Variants in MPHOSPH9 observed in about 807,000 individuals in gnomAD.
The protein encoded by MPHOSPH9 is M-phase phosphoprotein 9.
In MPHOSPH9, 88 loss-of-function variants were observed where a neutral mutation model predicts 145.5. The observed-to-expected ratio is 0.60, with a 90% confidence interval of 0.51 to 0.72. MPHOSPH9 has a LOEUF of 0.72. Ranked by LOEUF, MPHOSPH9 falls within the 30% of genes least tolerant of loss-of-function variation. MPHOSPH9 has a pLI of 0.00. For synonymous variants in MPHOSPH9, 435 were observed against 486.2 expected, an observed-to-expected ratio of 0.89 and a Z score of 1.39; for missense variants, 1,238 against 1,386.6, an observed-to-expected ratio of 0.89 and a Z score of 1.70.
At position 123,166,802 on chromosome 12, in the gene MPHOSPH9, A is replaced by C. The variant is rs1345707297; in HGVS notation, c.2457-13T>G. The C allele has an allele frequency of 6.2e-7, 1 of 1,609,400 alleles. No homozygotes were observed. The highest frequency in any genetic ancestry group is 1.3e-5 in the African/African-American group (1 of 74,576). On this transcript the variant is annotated splice_polypyrimidine_tract_variant and intron_variant, in intron 16 of 23. Transcript: ENST00000606320. ...AGTTGCTAGTGTGCTATTAGAATGA[A>C]AACGGTCAGGCATTATAAAGGTCTG...
intron 23 of MPHOSPH9, among the ~76,000 whole-genome samples, chr12:123,157,945 G>GC (rs2043940837): frequency 6.6e-6 from 1 of 151,700 alleles, no homozygotes; most frequent in Non-Finnish European, 1.5e-5. Flanking sequence ...CCTCTTTCCT[G>GC]TTTTTTCTGC....
chr12:123,176,846 C>T, intron 15 of MPHOSPH9, 57 bp from the exon 16 acceptor site: 1 of 1,325,284 alleles, frequency 7.5e-7, no homozygotes, highest in Non-Finnish European at 1.1e-6. Context: ...TAAAATATAG[C>T]TCAACCACAG....
chr12:123,220,145 G>A (rs766136539), intron 5 of MPHOSPH9, among the ~76,000 whole-genome samples: 14 of 152,056 alleles, frequency 9.2e-5, no homozygotes, highest in Non-Finnish European at 1.9e-4. Context: ...AGTGAGCTGC[G>A]ATCGCACCAC....
chr12:123,167,387 G>C (rs2044362859), intron 16 of MPHOSPH9, among the ~76,000 whole-genome samples: 1 of 152,212 alleles, frequency 6.6e-6, no homozygotes, highest in Non-Finnish European at 1.5e-5. Flanking sequence ...CACAGATGCT[G>C]ATTATGGGAA....
At chr12:123,234,981 T>G (rs7139321), upstream of MPHOSPH9, among the ~76,000 whole-genome samples, 79,402 of 151,994 alleles carry the variant, frequency 0.52, 24,946 homozygotes, top group East Asian at 0.7. Flanking sequence ...CCAAGTAAAA[T>G]AATTTACAAG....
At chr12:123,176,326 G>A (rs1300584387) in intron 16 of MPHOSPH9, among the ~76,000 whole-genome samples, 2 of 152,028 alleles carry the variant, frequency 1.3e-5, no homozygotes, top group East Asian at 3.9e-4. Flanking sequence ...ATTAACATAG[G>A]AATAAAATGT....
chr12:123,224,613 T>C (rs1221670918), intron 3 of MPHOSPH9, among the ~76,000 whole-genome samples: 1 of 152,100 alleles, frequency 6.6e-6, no homozygotes, highest in East Asian at 1.9e-4. Context: ...ATGTTGGAAA[T>C]CTGTGAGGTC....
chr12:123,208,533 CAA>C (rs373218740), intron 8 of MPHOSPH9, among the ~76,000 whole-genome samples: 5 of 111,162 alleles, frequency 4.5e-5, no homozygotes, highest in Admixed American at 1.9e-4. Flanking sequence ...GAAACTGTCT[CAA>C]AAAAAAAAAA....
rs1386619781 is a variant in MPHOSPH9, at chr12:123,159,822, T to C, written c.3450+959A>G. On this transcript the variant is annotated intron_variant, in intron 23 of 23. Transcript: ENST00000606320. The surrounding 1 kb of genome is among the most constrained non-coding windows in gnomAD (Gnocchi z 4.3). ...AATATTGTACGTTAATTTAAAAGGA[T>C]GTTATAGAAAGATATTTCATAACAT... is the stretch of plus-strand genomic sequence containing the variant. 1 of 152,206 alleles carries C rather than the reference T, an allele frequency of 6.6e-6. No individual in the cohort carries two copies. The highest frequency in any genetic ancestry group is 1.5e-5 in the Non-Finnish European group (1 of 68,040). 9.4% of individuals were successfully genotyped at this position (152,206 alleles called of 1,614,324 possible). A position where few individuals can be genotyped will look rare whatever the true frequency, so the allele number is the denominator to read the frequency against.
intron 2 of MPHOSPH9, among the ~76,000 whole-genome samples, chr12:123,229,071 T>G (rs1459917236): frequency 6.6e-6 from 1 of 152,244 alleles, no homozygotes; most frequent in Non-Finnish European, 1.5e-5. Context: ...TATACCCATG[T>G]AAGCTGCCTT....
chr12:123,166,800 G>A lies in MPHOSPH9; in HGVS notation c.2457-11C>T. ...GAAGTTGCTAGTGTGCTATTAGAAT[G>A]AAAACGGTCAGGCATTATAAAGGTC... On this transcript the variant is annotated splice_polypyrimidine_tract_variant and intron_variant, in intron 16 of 23. Transcript: ENST00000606320. The A allele has an allele frequency of 3.7e-6, 6 of 1,609,616 alleles. No individual in the cohort carries two copies. The highest frequency in any genetic ancestry group is 1.3e-5 in the African/African-American group (1 of 74,686).
chr12:123,211,783 T>TC (rs1237233814), intron 7 of MPHOSPH9, among the ~76,000 whole-genome samples: 15 of 130,192 alleles, frequency 1.2e-4, no homozygotes, highest in Non-Finnish European at 1.9e-4. Flanking sequence ...AGCCCTGACC[T>TC]CCCGAGCTCA....
chr12:123,201,511 G>C (rs561966147), intron 11 of MPHOSPH9, among the ~76,000 whole-genome samples: 1 of 152,066 alleles, frequency 6.6e-6, no homozygotes, highest in East Asian at 1.9e-4. Flanking sequence ...TCCCCAGTAA[G>C]TGGGACCACA....
upstream of MPHOSPH9, among the ~76,000 whole-genome samples, chr12:123,234,613 T>G (rs1308653030): frequency 6.6e-6 from 1 of 152,106 alleles, no homozygotes; most frequent in African/African-American, 2.4e-5. Flanking sequence ...GCCAGGCTGG[T>G]CTCGAATTCC....
chr12:123,203,124 C>G (rs1399858433), intron 9 of MPHOSPH9, 40 bp from the exon 10 acceptor site: 1 of 1,591,912 alleles, frequency 6.3e-7, no homozygotes, highest in South Asian at 1.2e-5. Flanking sequence ...CCTCAGAACT[C>G]GGCTTTGTTT....
Position 123,160,868 on chromosome 12 carries a change from A to T in MPHOSPH9, c.3382-19T>A. ...CCTCAATCTGTTAACACACGAAAAA[A>T]ATATGTTTAAATTACTGGCAGGGAG... is the stretch of plus-strand genomic sequence containing the variant. On this transcript the variant is annotated intron_variant, in intron 22 of 23. Coordinates refer to ENST00000606320, the MANE Select transcript of MPHOSPH9 (RefSeq NM_022782.4). The T allele has an allele frequency of 1.9e-6, 3 of 1,610,800 alleles. No homozygotes were observed. Among genetic ancestry groups the T allele is most frequent in the South Asian group, 1.1e-5 (1 of 90,808 alleles).
intron 13 of MPHOSPH9, among the ~76,000 whole-genome samples, chr12:123,184,808 A>C (rs1201525524): frequency 1.4e-5 from 2 of 142,510 alleles, no homozygotes; most frequent in Non-Finnish European, 3.1e-5. Flanking sequence ...TATTTAATTT[A>C]ATTTTTATCT....
intron 16 of MPHOSPH9, among the ~76,000 whole-genome samples, chr12:123,174,564 G>A (rs928336900): frequency 9.2e-5 from 14 of 151,912 alleles, no homozygotes; most frequent in East Asian, 7.7e-4. Flanking sequence ...AGTAGAGATG[G>A]GGTTTCACCA....
At chr12:123,198,195 C>T (rs376810308) in intron 12 of MPHOSPH9, 52 bp downstream of exon 12, 24 of 1,341,232 alleles carry the variant, frequency 1.8e-5, no homozygotes, top group African/African-American at 1.6e-4. Flanking sequence ...GATGTTATCA[C>T]GAAATAATTC....
Sources: gnomAD v4.1 joint callset for allele counts (sites outside exome capture counted in the v4.1 genomes callset) on GRCh38, gnomAD v4.1.1 for gene constraint, Gnocchi (gnomAD v3.1) non-coding constraint, MANE v1.5 for transcripts, NCBI Gene and HGNC (gene_info 2026-07-23, HGNC 2026-07-21) for gene names.